LSAMP: variants seen among roughly 807,000 people sequenced by gnomAD.
The protein encoded by LSAMP is limbic system-associated membrane protein.
LSAMP carries 7 observed loss-of-function variants against 38.6 expected under a neutral mutation model. That is an observed-to-expected ratio of 0.18 (90% CI 0.10 to 0.34). The LOEUF is 0.34. Among genes scored for constraint, LSAMP ranks in the 10% least tolerant of loss-of-function variants. The probability of loss-of-function intolerance (pLI) is 1.00; values close to 1 mark genes in which losing one functional copy is unlikely to be tolerated. For missense variants in LSAMP, 313 were observed against 420.0 expected, an observed-to-expected ratio of 0.75 and a Z score of 2.23; for synonymous variants, 154 against 166.8, an observed-to-expected ratio of 0.92 and a Z score of 0.59.
chr3:116,435,703 A>G (rs1576223759), intron 1 of LSAMP, among the ~76,000 whole-genome samples: 1 of 152,124 alleles, frequency 6.6e-6, no homozygotes, highest in African/African-American at 2.4e-5. Context: ...TTTTGTATCT[A>G]TTGGGGGAAA....
chr3:116,394,552 T>A (rs527817348), intron 1 of LSAMP, among the ~76,000 whole-genome samples: 1 of 152,210 alleles, frequency 6.6e-6, no homozygotes, highest in Non-Finnish European at 1.5e-5. Context: ...CAACCTGCTA[T>A]AATTTTGACT....
At chr3:116,129,289 C>A (rs1318969189) in intron 1 of LSAMP, among the ~76,000 whole-genome samples, 2 of 152,100 alleles carry the variant, frequency 1.3e-5, no homozygotes, top group Non-Finnish European at 2.9e-5. Flanking sequence ...CTGAGTAAAT[C>A]ATAAACATAA....
At chr3:116,222,297 C>CTT (rs139131492) in intron 1 of LSAMP, among the ~76,000 whole-genome samples, 3 of 148,564 alleles carry the variant, frequency 2.0e-5, no homozygotes, top group African/African-American at 2.5e-5. Flanking sequence ...CAATTAGATA[C>CTT]TTTTTTTTTA....
At chr3:116,316,065 T>C (rs2047624756) in intron 1 of LSAMP, among the ~76,000 whole-genome samples, 1 of 152,136 alleles carries the variant, frequency 6.6e-6, no homozygotes, top group African/African-American at 2.4e-5. Flanking sequence ...GAGAAAGAAA[T>C]GTTAACAAAG....
chr3:116,110,884 T>C (rs1336008306), intron 1 of LSAMP, among the ~76,000 whole-genome samples: 2 of 152,082 alleles, frequency 1.3e-5, no homozygotes, highest in Non-Finnish European at 2.9e-5. Flanking sequence ...GCAGGTGGGC[T>C]GAGTCGGAAA....
intron 1 of LSAMP, among the ~76,000 whole-genome samples, chr3:116,294,829 T>C (rs2047309054): frequency 6.6e-6 from 1 of 152,186 alleles, no homozygotes; most frequent in Admixed American, 6.5e-5. Flanking sequence ...TGATTAGGCA[T>C]GGGGAATAGT....
intron 1 of LSAMP, among the ~76,000 whole-genome samples, chr3:116,396,699 G>T: frequency 6.6e-6 from 1 of 152,192 alleles, no homozygotes; most frequent in Admixed American, 6.5e-5. Context: ...CTCTAGACTT[G>T]TTTGTCTACT....
intron 1 of LSAMP, among the ~76,000 whole-genome samples, chr3:116,290,554 AC>A (rs774739037): frequency 6.6e-6 from 1 of 151,648 alleles, no homozygotes; most frequent in Non-Finnish European, 1.5e-5. Context: ...ACATGGTAAA[AC>A]CCTATCTCTA....
intron 1 of LSAMP, among the ~76,000 whole-genome samples, chr3:116,420,522 T>C (rs966671204): frequency 6.6e-6 from 1 of 152,156 alleles, no homozygotes; most frequent in African/African-American, 2.4e-5. Flanking sequence ...CAAACTAACA[T>C]ATTTCAGCTT....
At chr3:116,346,890 T>C (rs1419850834) in intron 1 of LSAMP, among the ~76,000 whole-genome samples, 1 of 152,214 alleles carries the variant, frequency 6.6e-6, no homozygotes, top group African/African-American at 2.4e-5. Context: ...ATCCATATGT[T>C]TATTTATCCG....
intron 1 of LSAMP, among the ~76,000 whole-genome samples, chr3:116,167,356 A>G (rs1348217184): frequency 1.1e-4 from 16 of 152,214 alleles, no homozygotes; most frequent in Admixed American, 1.0e-3. Context: ...GAGTGAAGAC[A>G]TATTTCTTCA....
At chr3:116,421,628 T>C (rs781147003) in intron 1 of LSAMP, among the ~76,000 whole-genome samples, 12 of 151,248 alleles carry the variant, frequency 7.9e-5, no homozygotes, top group Non-Finnish European at 1.5e-4. Context: ...GCAAAATATT[T>C]GAATAACACA....
chr3:115,852,975 AG>A (rs1935379960), intron 3 of LSAMP, among the ~76,000 whole-genome samples: 1 of 152,080 alleles, frequency 6.6e-6, no homozygotes, highest in South Asian at 2.1e-4. Flanking sequence ...TCTGATCATG[AG>A]GCTGGGAGCT....
chr3:116,097,341 A>G (rs1708246856), intron 1 of LSAMP, among the ~76,000 whole-genome samples: 1 of 152,216 alleles, frequency 6.6e-6, no homozygotes, highest in South Asian at 2.1e-4. Flanking sequence ...TCTGATGTAT[A>G]AGGCATGGCT....
At chr3:115,899,133 A>C (rs990216132) in intron 3 of LSAMP, among the ~76,000 whole-genome samples, 3 of 152,176 alleles carry the variant, frequency 2.0e-5, no homozygotes, top group African/African-American at 7.2e-5. Context: ...TAAGGCAGCC[A>C]ATCTGAAACA....
chr3:116,245,586 A>G (rs879469704), intron 1 of LSAMP, among the ~76,000 whole-genome samples: 2 of 152,356 alleles, frequency 1.3e-5, no homozygotes, highest in Admixed American at 1.3e-4. Flanking sequence ...CAAACATGCC[A>G]GAATTTTCAT....
intron 1 of LSAMP, among the ~76,000 whole-genome samples, chr3:116,443,781 TA>T (rs1408359686): frequency 6.6e-6 from 1 of 152,190 alleles, no homozygotes; most frequent in Non-Finnish European, 1.5e-5. Context: ...ATGAGATTTT[TA>T]AAAGATCTCC....
intron 1 of LSAMP, among the ~76,000 whole-genome samples, chr3:116,247,584 G>C (rs1246645627): frequency 6.6e-6 from 1 of 152,112 alleles, no homozygotes; most frequent in Non-Finnish European, 1.5e-5. Flanking sequence ...GAACAAAGTA[G>C]ATAACATTTT....
intron 1 of LSAMP, among the ~76,000 whole-genome samples, chr3:116,345,809 G>A (rs2048057360): frequency 6.6e-6 from 1 of 152,238 alleles, no homozygotes; most frequent in East Asian, 1.9e-4. Context: ...ACTGGGCCTA[G>A]AGAAGCTCAG....
Sources: allele counts gnomAD v4.1 joint callset (sites outside exome capture counted in the v4.1 genomes callset), GRCh38; gene constraint gnomAD v4.1.1; transcripts MANE v1.5; gene names NCBI Gene and HGNC (gene_info 2026-07-23, HGNC 2026-07-21).